Variants in NUP62CL observed in about 807,000 individuals in gnomAD.
NUP62CL encodes nucleoporin-62 C-terminal-like protein.
Under a neutral mutation model 15.3 loss-of-function variants are expected in NUP62CL, and 13 were observed. The ratio of observed to expected loss-of-function variants is 0.85; its 90% CI spans 0.55 to 1.35. The LOEUF is 1.35. Ranked by LOEUF, NUP62CL falls within the 40% of genes most tolerant of loss-of-function variation. NUP62CL has a pLI of 0.00. For missense variants in NUP62CL, 123 were observed against 130.6 expected (o/e 0.94, Z 0.28); for synonymous variants, 54 against 49.2 (o/e 1.10, Z -0.41).
intron 1 of NUP62CL, 52 bp from the exon 2 acceptor site, chrX:107,193,124 A>C (rs1380602569): frequency 1.8e-5 from 2 of 112,186 alleles, no homozygotes; most frequent in Non-Finnish European, 3.8e-5. Flanking sequence ...TCTCAATGAG[A>C]CCTCAAAGAA....
chrX:107,171,410 G>A (rs774915738), intron 3 of NUP62CL, among the ~76,000 whole-genome samples: 1 of 111,608 alleles, frequency 9.0e-6, no homozygotes, highest in South Asian at 3.8e-4. Context: ...CCTGAGGCTG[G>A]ATAGTTTATA....
At chrX:107,150,349 C>T (rs1255228412) in intron 7 of NUP62CL, among the ~76,000 whole-genome samples, 1 of 111,952 alleles carries the variant, frequency 8.9e-6, no homozygotes, top group Non-Finnish European at 1.9e-5. Flanking sequence ...TTTTCACCTT[C>T]CTGGGAATAA....
chrX:107,143,582 T>C (rs1181092782), intron 8 of NUP62CL, among the ~76,000 whole-genome samples: 1 of 111,541 alleles, frequency 9.0e-6, no homozygotes, highest in Non-Finnish European at 1.9e-5. Context: ...ACAGTTGTCA[T>C]GTTTTATGAT....
At chrX:107,161,673 C>A in intron 4 of NUP62CL, among the ~76,000 whole-genome samples, 1 of 68,361 alleles carries the variant, frequency 1.5e-5, no homozygotes, top group Non-Finnish European at 2.7e-5. Flanking sequence ...ATACCTAATG[C>A]TAGATGATGA....
chrX:107,132,145 G>A lies in NUP62CL; in HGVS notation c.*43-7813C>T, dbSNP rs142446617. The A allele has an allele frequency of 9.0e-3, 10,510 of 1,165,524 alleles. 60 individuals are homozygous for A. Among genetic ancestry groups the A allele is most frequent in the Non-Finnish European group, 9.8e-3 (8,375 of 854,402 alleles). On this transcript the variant is annotated intron_variant, in intron 8 of 8. Coordinates refer to ENST00000372466, the MANE Select transcript of NUP62CL (RefSeq NM_017681.3). ...GGAAGAGGAAAAGATTCAAATGAAC[G>A]AGAGTTCAAACCTGAGTTGTGAACA... is the stretch of plus-strand genomic sequence containing the variant.
chrX:107,154,230 C>T lies in NUP62CL; in HGVS notation c.211G>A (p.Val71Met). 8.4e-7 allele frequency: 1 copy of T among 1,197,548 alleles called. No homozygotes were observed. The highest frequency in any genetic ancestry group is 1.1e-6 in the Non-Finnish European group (1 of 887,383). Reference sequence around the variant, plus strand: ...CCCTCCAGATGACCATATGTCATCACAGGAGTTGCTACTACACTAAAACAT... The same window carrying T: ...CCCTCCAGATGACCATATGTCATCATAGGAGTTGCTACTACACTAAAACAT... ...TSTVSVVATP[V>M]MTYGHLEGLI... Residue 71 changes from valine to methionine, a missense_variant, in exon 5 of 9, where the codon GTG becomes ATG. Coordinates refer to ENST00000372466, the MANE Select transcript of NUP62CL (RefSeq NM_017681.3).
At chrX:107,161,468 T>C (rs1421400524) in intron 4 of NUP62CL, among the ~76,000 whole-genome samples, 8 of 81,958 alleles carry the variant, frequency 9.8e-5, no homozygotes, top group African/African-American at 3.7e-4. Context: ...AATGATGAGT[T>C]CATGTCCTTT....
At chrX:107,154,542 A>AT (rs1205413463) in intron 4 of NUP62CL, among the ~76,000 whole-genome samples, 3 of 111,856 alleles carry the variant, frequency 2.7e-5, no homozygotes, top group Non-Finnish European at 5.6e-5. Flanking sequence ...TCTTCCCCTC[A>AT]TCCCAGCTCA....
chrX:107,151,515 CCACACACA>C (rs59950269), intron 7 of NUP62CL, among the ~76,000 whole-genome samples: 1 of 98,752 alleles, frequency 1.0e-5, no homozygotes, highest in East Asian at 3.3e-4. Flanking sequence ...TCCACCCAAA[CCACACACA>C]CACACACACA....
At chrX:107,180,540 T>C (rs1318525234) in intron 2 of NUP62CL, among the ~76,000 whole-genome samples, 1 of 111,920 alleles carries the variant, frequency 8.9e-6, no homozygotes, top group Non-Finnish European at 1.9e-5. Context: ...ATGTGTAAAA[T>C]AAGCACATAA....
At chrX:107,183,059 G>A (rs766275845) in intron 2 of NUP62CL, among the ~76,000 whole-genome samples, 32 of 111,228 alleles carry the variant, frequency 2.9e-4, no homozygotes, top group African/African-American at 9.5e-4. Context: ...CAGGCATGGC[G>A]GCATGTGCCT....
intron 3 of NUP62CL, among the ~76,000 whole-genome samples, chrX:107,173,140 T>C (rs745904864): frequency 1.4e-4 from 16 of 112,590 alleles, no homozygotes; most frequent in African/African-American, 4.8e-4. Context: ...TATTAACTAT[T>C]ACCCTTTAAA....
chrX:107,181,623 T>C (rs2147811632), intron 2 of NUP62CL, among the ~76,000 whole-genome samples: 1 of 111,533 alleles, frequency 9.0e-6, no homozygotes, highest in South Asian at 3.7e-4. Flanking sequence ...TCTTGTCAAG[T>C]CCTTCCTTCC....
At chrX:107,177,819 G>A (rs769773747) in intron 2 of NUP62CL, among the ~76,000 whole-genome samples, 3 of 111,419 alleles carry the variant, frequency 2.7e-5, no homozygotes, top group Non-Finnish European at 5.7e-5. Context: ...TAGTGTTACC[G>A]TATGATCCAG....
At chrX:107,189,943 AAG>A (rs1443140948) in intron 2 of NUP62CL, among the ~76,000 whole-genome samples, 5 of 95,508 alleles carry the variant, frequency 5.2e-5, no homozygotes, top group Non-Finnish European at 1.1e-4. Flanking sequence ...GAAAGAAAGA[AAG>A]AGAATCGATA....
intron 2 of NUP62CL, among the ~76,000 whole-genome samples, 178 bp from the exon 3 acceptor site, chrX:107,175,371 GGTACTACTTTAGTATAGTCA>G (rs1926759131): frequency 9.0e-6 from 1 of 111,402 alleles, no homozygotes; most frequent in Non-Finnish European, 1.9e-5. Context: ...ACAGTTCATT[GGTACTACTTTAGTATAGTCA>G]GTCTTCTAGC....
rs1653284268 is a variant in NUP62CL, at chrX:107,154,165, C to T, written c.276G>A (p.Glu92=). Residue 92 remains glutamate, a synonymous_variant, in exon 5 of 9, where the codon GAG becomes GAA. Transcript: ENST00000372466. ...NEWNLELEDQ[E]KYFLLQATQV... ...GAGTGGCCTGGAGAAGAAAGTACTTCTCTTGATCTTCCAGCTCAAGGTTCC... is the reference window on the plus strand; with the variant it reads ...GAGTGGCCTGGAGAAGAAAGTACTTTTCTTGATCTTCCAGCTCAAGGTTCC... 4 of 1,206,291 alleles carry T rather than the reference C, an allele frequency of 3.3e-6. No individual in the cohort carries two copies. In the Admixed American group the frequency reaches 6.5e-5, roughly 20 times the overall value.
intron 3 of NUP62CL, among the ~76,000 whole-genome samples, chrX:107,174,123 C>T (rs1926723167): frequency 1.2e-5 from 1 of 82,416 alleles, no homozygotes; most frequent in African/African-American, 4.5e-5. Flanking sequence ...CCCTCTCTCT[C>T]CCCCTCTCTC....
In NUP62CL at chrX:107,189,877, AAAAGAAAGAAAGAAAG is replaced by A. The variant is rs55670914; in HGVS notation, c.-48+3136_-48+3151del. Among the ~76,000 whole-genome samples the A allele has an allele frequency of 4.8e-3, 269 of 56,069 alleles. 2 individuals are homozygous for A. Among genetic ancestry groups the A allele is most frequent in the South Asian group, 0.012 (11 of 925 alleles). 48.7% of individuals were successfully genotyped at this position (56,069 alleles called of 115,157 possible). The stretch of plus-strand genomic sequence containing the variant: ...AGGAAGGAAGGAAGGAAAAAGAAAG[AAAAGAAAGAAAGAAAG>A]AAAGAAAGAAAGAAAGAAAGAAAGA... On this transcript the variant is annotated intron_variant, in intron 2 of 8. Transcript: ENST00000372466.
Sources: allele counts gnomAD v4.1 joint callset (sites outside exome capture counted in the v4.1 genomes callset), GRCh38; gene constraint gnomAD v4.1.1; transcripts MANE v1.5; gene names NCBI Gene and HGNC (gene_info 2026-07-23, HGNC 2026-07-21).